CHD5: variants seen among roughly 807,000 people sequenced by gnomAD.
The protein encoded by CHD5 is chromodomain helicase DNA binding protein 5, also known as ATP-dependent chromatin remodeler CHD5.
In CHD5, 69 loss-of-function variants were observed where a neutral mutation model predicts 230.3. The observed-to-expected ratio is 0.30, with a 90% CI of 0.25 to 0.37. The LOEUF is 0.37. Among genes scored for constraint, CHD5 ranks in the 10% least tolerant of loss-of-function variants. CHD5 has a pLI of 1.00. For synonymous variants in CHD5, 1,064 were observed against 1,065.9 expected, an observed-to-expected ratio of 1.00 and a Z score of 0.03; for missense variants, 1,827 against 2,622.8, an observed-to-expected ratio of 0.70 and a Z score of 6.63.
chr1:6,105,455 C>T lies in CHD5; in HGVS notation c.*47-28G>A, dbSNP rs1162232711. 2 of 469,512 alleles carry T rather than the reference C, an allele frequency of 4.3e-6. No individual in the cohort carries two copies. The highest frequency in any genetic ancestry group is 8.8e-6 in the Non-Finnish European group (2 of 226,522). The allele number at this position is 469,512 out of a possible 1,614,324, so 29.1% of individuals were successfully genotyped here. On this transcript the variant is annotated intron_variant, in intron 41 of 41. Coordinates refer to ENST00000262450, the MANE Select transcript of CHD5 (RefSeq NM_015557.3). The surrounding 1 kb of genome is among the most constrained non-coding windows in gnomAD (Gnocchi z 4.8). ...GCAAAACGCAAATCAGTGGGTTAAG[C>T]AGGTGGGCAGTTATAGGGGGCATCA...
chr1:6,119,732 T>G (rs1666436280), intron 33 of CHD5, among the ~76,000 whole-genome samples: 1 of 151,726 alleles, frequency 6.6e-6, no homozygotes, highest in Non-Finnish European at 1.5e-5. Context: ...TATACGTACA[T>G]ATATAGGTAC....
At chr1:6,112,051 A>G (rs1329601181) in intron 35 of CHD5, 89 bp downstream of exon 35, 1 of 1,475,100 alleles carries the variant, frequency 6.8e-7, no homozygotes, top group Non-Finnish European at 9.3e-7. Context: ...AACCAGTCAC[A>G]CTCTAGTATA....
Position 6,121,016 on chromosome 1 carries a change from C to CGGAA in CHD5, c.4912+85_4912+88dup. 7.2e-7 allele frequency: 1 copy of CGGAA among 1,385,458 alleles called. No individual in the cohort carries two copies. The highest frequency in any genetic ancestry group is 9.5e-7 in the Non-Finnish European group (1 of 1,052,920). 85.8% of individuals were successfully genotyped at this position (1,385,458 alleles called of 1,614,324 possible). On this transcript the variant is annotated intron_variant, in intron 33 of 41. Transcript: ENST00000262450. The surrounding 1 kb of genome is among the most constrained non-coding windows in gnomAD (Gnocchi z 4.5). ...TACCTCTCTGCCAGGGAGAAATGAG[C>CGGAA]GGAAGTACAGCCACCTGCCCTTCTC...
In CHD5 at chr1:6,155,159, TTCCTGTCCACACCCACAGCCCACCC is replaced by T. The variant is rs1667062554; in HGVS notation, c.507-286_507-262del. Among the ~76,000 whole-genome samples, 1 of 104,110 alleles carries T rather than the reference TTCCTGTCCACACCCACAGCCCACCC, an allele frequency of 9.6e-6. No homozygotes were observed. Among genetic ancestry groups the T allele is most frequent in the Non-Finnish European group, 1.9e-5 (1 of 52,280 alleles). 68.3% of individuals were successfully genotyped at this position (104,110 alleles called of 152,430 possible). A position where few individuals can be genotyped will look rare whatever the true frequency, so the allele number is the denominator to read the frequency against. On this transcript the variant is annotated intron_variant, in intron 4 of 41. Coordinates refer to ENST00000262450, the MANE Select transcript of CHD5 (RefSeq NM_015557.3). The surrounding 1 kb of genome is among the most constrained non-coding windows in gnomAD (Gnocchi z 4.0). Reference sequence around the variant, plus strand: ...ACAGCCCACCCCCAAAACACCCAGCTTCCTGTCCACACCCACAGCCCACCCCCAAAACACCCCAGCTTCCTGTCCA... The same window carrying T: ...ACAGCCCACCCCCAAAACACCCAGCTCCAAAACACCCCAGCTTCCTGTCCA...
At position 6,105,792 on chromosome 1, in the gene CHD5, C is replaced by G. The variant is rs925596240; in HGVS notation, c.*47-365G>C. On this transcript the variant is annotated intron_variant, in intron 41 of 41. Coordinates refer to ENST00000262450, the MANE Select transcript of CHD5 (RefSeq NM_015557.3). The surrounding 1 kb of genome is among the most constrained non-coding windows in gnomAD (Gnocchi z 4.8). ...AGCCCCCTCTCCTGGCCAATAGCCCCCACAAAACCCTCAGCCACCCTCCTG... is the reference window on the plus strand; with the variant it reads ...AGCCCCCTCTCCTGGCCAATAGCCCGCACAAAACCCTCAGCCACCCTCCTG... Among the ~76,000 whole-genome samples, 1 of 152,234 alleles carries G rather than the reference C, an allele frequency of 6.6e-6. No individual in the cohort carries two copies. The highest frequency in any genetic ancestry group is 1.9e-4 in the East Asian group (1 of 5,200).
rs1173430823 is a variant in CHD5 at position 6,121,519 on chromosome 1, T to C, written c.4754A>G (p.Lys1585Arg). The change falls in exon 32 of 42, where the codon AAG becomes AGG. Residue 1585 changes from lysine to arginine, a missense_variant. Physicochemically the swap from Lys to Arg is conservative, Grantham distance 26. Transcript: ENST00000262450. This position sits in a 1 kb window ranked among gnomAD's most constrained non-coding sequence, Gnocchi z 4.5. Reference protein sequence around the residue: ...YMDEKDPGAQKPRQPLEVQAL... With the variant: ...YMDEKDPGAQRPRQPLEVQAL... ...CTGGACTTCCAGGGGCTGCCTTGGC[T>C]TCTGTGCCCCGGGGTCTTTCTCATC... 1 of 1,612,888 alleles carries C rather than the reference T, an allele frequency of 6.2e-7. No individual in the cohort carries two copies. Among genetic ancestry groups the C allele is most frequent in the African/African-American group, 1.3e-5 (1 of 75,050 alleles).
At chr1:6,156,620 G>A (rs918201689) in intron 3 of CHD5, among the ~76,000 whole-genome samples, 2 of 152,022 alleles carry the variant, frequency 1.3e-5, no homozygotes, top group African/African-American at 4.8e-5. Flanking sequence ...ACAGGCCACT[G>A]CCAGTTTCCA....
rs148121929 is a variant in CHD5, at chr1:6,117,785, T to C, written c.4912+3320A>G. Among the ~76,000 whole-genome samples the C allele has an allele frequency of 6.4e-3, 980 of 152,186 alleles. 15 individuals carry two copies. The highest frequency in any genetic ancestry group is 0.022 in the African/African-American group (912 of 41,512). On this transcript the variant is annotated intron_variant, in intron 33 of 41. Transcript: ENST00000262450. ...TGACTATAATCAAAAAGACAGATAATAACAGGTATTGGCAAGTATGTGAAG... is the reference window on the plus strand; with the variant it reads ...TGACTATAATCAAAAAGACAGATAACAACAGGTATTGGCAAGTATGTGAAG...
chr1:6,157,488 C>T lies in CHD5; in HGVS notation c.388-1771G>A, dbSNP rs142995078. Among the ~76,000 whole-genome samples the T allele has an allele frequency of 9.2e-5, 14 of 152,338 alleles. 1 individual carries two copies. In the East Asian group the frequency reaches 2.7e-3, roughly 29 times the overall value. Reference sequence around the variant, plus strand: ...CCCCGAAGCCCCTTGCCTCTTAGTTCTCAGGGCCCTGATCCCACACATCCC... The same window carrying T: ...CCCCGAAGCCCCTTGCCTCTTAGTTTTCAGGGCCCTGATCCCACACATCCC... On this transcript the variant is annotated intron_variant, in intron 3 of 41. Transcript: ENST00000262450.
rs1571137517 is a variant in CHD5, at chr1:6,110,274, G to A, written c.5382+120C>T. On this transcript the variant is annotated intron_variant, in intron 37 of 41. Transcript: ENST00000262450. ...TTGATGGACATACTGCTGCTTCGTG[G>A]CAGCGTGACCCAGGTACACGGGGAG... is the stretch of plus-strand genomic sequence containing the variant. 1.1e-5 allele frequency: 13 copies of A among 1,170,696 alleles called. No homozygotes were observed. The East Asian group carries it at 3.1e-4, about 28-fold the overall frequency. 72.5% of individuals were successfully genotyped at this position (1,170,696 alleles called of 1,614,324 possible).
rs1017463327 is a variant in CHD5 at position 6,142,674 on chromosome 1, T to G, written c.2044-69A>C. The G allele has an allele frequency of 2.1e-6, 3 of 1,457,456 alleles. No individual in the cohort carries two copies. Among genetic ancestry groups the G allele is most frequent in the South Asian group, 1.3e-5 (1 of 74,922 alleles). The allele number at this position is 1,457,456 out of a possible 1,614,324, so 90.3% of individuals were successfully genotyped here. A position where few individuals can be genotyped will look rare whatever the true frequency, so the allele number is the denominator to read the frequency against. On this transcript the variant is annotated intron_variant, in intron 13 of 41. Coordinates refer to ENST00000262450, the MANE Select transcript of CHD5 (RefSeq NM_015557.3). The surrounding 1 kb of genome is among the most constrained non-coding windows in gnomAD (Gnocchi z 5.2). ...CACCAGAGTCCACACTACAGGCCTT[T>G]GCACATGCAATTCCTTCTGCCTGGA... is the stretch of plus-strand genomic sequence containing the variant.
chr1:6,134,724 A>T lies in CHD5; in HGVS notation c.3006T>A (p.Ala1002=), dbSNP rs568252435. The stretch of plus-strand genomic sequence containing the variant: ...GATGGCCGGGGAAACCTACCACGGC[A>T]GCCACAGGGAAGAGGTAGGGGTGGT... ...CCNHPYLFPV[A]AVEAPVLPNG... is the part of the protein sequence containing the mutation. Residue 1002 remains alanine (A), a synonymous_variant, in exon 19 of 42, where the codon GCT becomes GCA. Transcript: ENST00000262450. The surrounding 1 kb of genome is among the most constrained non-coding windows in gnomAD (Gnocchi z 6.3). 6.2e-7 allele frequency: 1 copy of T among 1,614,122 alleles called. No individual in the cohort carries two copies. The highest frequency in any genetic ancestry group is 2.2e-5 in the East Asian group (1 of 44,872).
In CHD5 at chr1:6,103,725, C is replaced by T. The variant is rs41307856; in HGVS notation, c.*1749G>A. Reference sequence around the variant, plus strand: ...CTACGCCCACGTGCAGTGTCAGGGTCGGGCTGGCCTTGCAGACCTGGATCC... The same window carrying T: ...CTACGCCCACGTGCAGTGTCAGGGTTGGGCTGGCCTTGCAGACCTGGATCC... On this transcript the variant is annotated 3_prime_UTR_variant, in exon 42 of 42. Coordinates refer to ENST00000262450, the MANE Select transcript of CHD5 (RefSeq NM_015557.3). The T allele has an allele frequency of 0.011, 1,716 of 152,358 alleles. 17 individuals carry two copies. The highest frequency in any genetic ancestry group is 0.018 in the Non-Finnish European group (1,244 of 68,064). The allele number at this position is 152,358 out of a possible 1,614,324, so 9.4% of individuals were successfully genotyped here. A position where few individuals can be genotyped will look rare whatever the true frequency, so the allele number is the denominator to read the frequency against.
chr1:6,117,864 G>A (rs1446909631), intron 33 of CHD5, among the ~76,000 whole-genome samples: 1 of 152,078 alleles, frequency 6.6e-6, no homozygotes, highest in African/African-American at 2.4e-5. Context: ...CAATACACAT[G>A]GAAAACAATT....
rs970267435 is a variant in CHD5 at position 6,134,023 on chromosome 1, C to T, written c.3144+105G>A. The T allele has an allele frequency of 4.9e-5, 56 of 1,132,560 alleles. No homozygotes were observed. The highest frequency in any genetic ancestry group is 6.2e-5 in the Non-Finnish European group (49 of 786,480). 70.2% of individuals were successfully genotyped at this position (1,132,560 alleles called of 1,614,324 possible). A position where few individuals can be genotyped will look rare whatever the true frequency, so the allele number is the denominator to read the frequency against. Reference sequence around the variant, plus strand: ...AGTCACATGACCCACATGGGAACGGCACTGGGCCCTGAGGGGTGCCAGCAA... The same window carrying T: ...AGTCACATGACCCACATGGGAACGGTACTGGGCCCTGAGGGGTGCCAGCAA... On this transcript the variant is annotated intron_variant, in intron 20 of 41. Transcript: ENST00000262450. This position sits in a 1 kb window ranked among gnomAD's most constrained non-coding sequence, Gnocchi z 6.3.
intron 33 of CHD5, among the ~76,000 whole-genome samples, chr1:6,114,949 G>A (rs546504518): frequency 6.6e-6 from 1 of 151,770 alleles, no homozygotes; most frequent in Non-Finnish European, 1.5e-5. Context: ...GGGAAGCAGA[G>A]GCTACAGTGA....
intron 30 of CHD5, 73 bp downstream of exon 30, chr1:6,124,444 C>T (rs547011899): frequency 3.9e-6 from 6 of 1,546,324 alleles, no homozygotes; most frequent in Middle Eastern, 1.7e-4. Context: ...TCTCTGACCA[C>T]TGACCCACAA....
At chr1:6,136,178 C>T (rs556276819) in intron 17 of CHD5, among the ~76,000 whole-genome samples, 4 of 152,244 alleles carry the variant, frequency 2.6e-5, no homozygotes, top group African/African-American at 4.8e-5. Flanking sequence ...GCCTCCACCA[C>T]GGTTGCCTAT....
intron 33 of CHD5, among the ~76,000 whole-genome samples, chr1:6,116,718 A>T (rs1000368757): frequency 3.3e-5 from 5 of 152,246 alleles, no homozygotes; most frequent in Admixed American, 6.5e-5. Flanking sequence ...AATTGTACTA[A>T]CTATTCAAGA....
Sources: gnomAD v4.1 joint callset for allele counts (sites outside exome capture counted in the v4.1 genomes callset) on GRCh38, gnomAD v4.1.1 for gene constraint, Gnocchi (gnomAD v3.1) non-coding constraint, MANE v1.5 for transcripts, NCBI Gene and HGNC (gene_info 2026-07-23, HGNC 2026-07-21) for gene names.